SPTLC3: variants seen among roughly 807,000 people sequenced by gnomAD.
SPTLC3 encodes the protein serine palmitoyltransferase long chain base subunit 3.
In SPTLC3, 36 loss-of-function variants were observed where a neutral mutation model predicts 59.3. That is an observed-to-expected ratio of 0.61 (90% CI 0.47 to 0.80). The LOEUF (loss-of-function observed/expected upper bound fraction) is 0.80, where lower values mean the gene tolerates loss of function less well. SPTLC3 is among the 30% of genes least tolerant of loss of function. The pLI is 0.00. For missense variants in SPTLC3, 625 were observed against 685.1 expected, an observed-to-expected ratio of 0.91 and a Z score of 0.98; for synonymous variants, 257 against 240.8, an observed-to-expected ratio of 1.07 and a Z score of -0.62.
rs1229960021 is a variant in SPTLC3, at chr20:13,167,916, G to T, written c.*3049G>T. ...TTTGATAAACCAATTGACTCTAATA[G>T]CAGGAACCTTGTTCTGATTCTCTTG... On this transcript the variant is annotated 3_prime_UTR_variant, in exon 12 of 12. Coordinates refer to ENST00000399002, the MANE Select transcript of SPTLC3 (RefSeq NM_018327.4). The T allele has an allele frequency of 1.3e-5, 2 of 152,132 alleles. No individual in the cohort carries two copies. Among genetic ancestry groups the T allele is most frequent in the African/African-American group, 2.4e-5 (1 of 41,416 alleles). 9.4% of individuals were successfully genotyped at this position (152,132 alleles called of 1,614,324 possible). A position where few individuals can be genotyped will look rare whatever the true frequency, so the allele number is the denominator to read the frequency against.
chr20:13,088,598 T>C lies in SPTLC3; in HGVS notation c.608-2485T>C, dbSNP rs948854795. On this transcript the variant is annotated intron_variant, in intron 4 of 11. Transcript: ENST00000399002. ...TTGGCCTCCCAAAGTGCTGGGATTA[T>C]AGGCTTGAGCCATCGTGCCTGGCCT... Among the ~76,000 whole-genome samples the C allele has an allele frequency of 6.6e-5, 10 of 151,860 alleles. 1 individual carries two copies. In the East Asian group the frequency reaches 7.8e-4, roughly 12 times the overall value.
chr20:13,033,697 T>G (rs1009413606), intron 1 of SPTLC3, among the ~76,000 whole-genome samples: 1 of 152,212 alleles, frequency 6.6e-6, no homozygotes, highest in African/African-American at 2.4e-5. Flanking sequence ...ATGGAAGCTA[T>G]TATTTTTGCA....
At chr20:13,061,033 A>T (rs1324557326) in intron 2 of SPTLC3, among the ~76,000 whole-genome samples, 1 of 152,178 alleles carries the variant, frequency 6.6e-6, no homozygotes, top group Admixed American at 6.5e-5. Context: ...AAATCTCCAT[A>T]CTGTTTTCCA....
intron 8 of SPTLC3, 79 bp downstream of exon 8, chr20:13,117,804 T>A: frequency 7.4e-7 from 1 of 1,348,618 alleles, no homozygotes; most frequent in Non-Finnish European, 1.0e-6. Flanking sequence ...CTGAATTTCA[T>A]GAAAGCTTCA....
intron 9 of SPTLC3, among the ~76,000 whole-genome samples, chr20:13,136,618 T>TATATATATAA (rs1555798325): frequency 6.8e-6 from 1 of 146,178 alleles, no homozygotes; most frequent in African/African-American, 2.5e-5. Context: ...TATATATATA[T>TATATATATAA]AATATACATA....
At chr20:13,095,228 G>A (rs1989369812) in intron 6 of SPTLC3, among the ~76,000 whole-genome samples, 1 of 152,208 alleles carries the variant, frequency 6.6e-6, no homozygotes, top group African/African-American at 2.4e-5. Flanking sequence ...TAGCTAGGCA[G>A]TCATTCAACT....
At chr20:13,034,149 C>A (rs1164052524) in intron 1 of SPTLC3, among the ~76,000 whole-genome samples, 3 of 151,936 alleles carry the variant, frequency 2.0e-5, no homozygotes, top group Non-Finnish European at 1.5e-5. Context: ...CCAACAATTC[C>A]CAAAGAGTTT....
rs533700342 is a variant in SPTLC3 at position 13,165,826 on chromosome 20, C to G, written c.*959C>G. On this transcript the variant is annotated 3_prime_UTR_variant, in exon 12 of 12. Coordinates refer to ENST00000399002, the MANE Select transcript of SPTLC3 (RefSeq NM_018327.4). The stretch of plus-strand genomic sequence containing the variant: ...TTGATTCAAGAAGGACATTTAAAAG[C>G]AAATTCTGACTTTTTCAAGACCAAC... 5.9e-4 allele frequency: 90 copies of G among 152,252 alleles called. No individual in the cohort carries two copies. Among genetic ancestry groups the G allele is most frequent in the African/African-American group, 1.9e-3 (80 of 41,564 alleles). The allele number at this position is 152,252 out of a possible 1,614,324, so 9.4% of individuals were successfully genotyped here.
At chr20:13,084,301 G>C (rs934196431) in intron 4 of SPTLC3, among the ~76,000 whole-genome samples, 1 of 152,158 alleles carries the variant, frequency 6.6e-6, no homozygotes, top group Non-Finnish European at 1.5e-5. Flanking sequence ...TCAATAAATT[G>C]TCCTATGATG....
At chr20:13,059,017 C>G (rs1987840941) in intron 2 of SPTLC3, among the ~76,000 whole-genome samples, 1 of 152,160 alleles carries the variant, frequency 6.6e-6, no homozygotes, top group Non-Finnish European at 1.5e-5. Context: ...CAATGGGGCT[C>G]TGTTCAAGAG....
At chr20:13,058,480 T>C (rs1057301635) in intron 2 of SPTLC3, among the ~76,000 whole-genome samples, 4 of 152,180 alleles carry the variant, frequency 2.6e-5, no homozygotes, top group Non-Finnish European at 5.9e-5. Context: ...TGGCTACCCA[T>C]TGGAATCACT....
intron 2 of SPTLC3, among the ~76,000 whole-genome samples, chr20:13,052,223 C>A (rs1473409871): frequency 6.6e-6 from 1 of 152,110 alleles, no homozygotes; most frequent in Non-Finnish European, 1.5e-5. Flanking sequence ...CCACAGAGGG[C>A]AAGCCGAAGC....
chr20:13,139,508 C>T (rs1012914660), intron 9 of SPTLC3, among the ~76,000 whole-genome samples: 3 of 152,194 alleles, frequency 2.0e-5, no homozygotes, highest in African/African-American at 7.2e-5. Context: ...TGTACGGTTT[C>T]CAAAGTTGCT....
chr20:13,153,964 T>A, intron 9 of SPTLC3, 39 bp from the exon 10 acceptor site: 3 of 1,607,596 alleles, frequency 1.9e-6, no homozygotes, highest in Non-Finnish European at 2.6e-6. Flanking sequence ...TCCCTCTTTC[T>A]AGTGGGAATT....
intron 1 of SPTLC3, among the ~76,000 whole-genome samples, chr20:13,017,838 G>T (rs1436787466): frequency 6.6e-6 from 1 of 152,094 alleles, no homozygotes; most frequent in Non-Finnish European, 1.5e-5. Flanking sequence ...TGACTTACTT[G>T]ACCAAAAACG....
At chr20:13,102,747 C>T (rs1989648075) in intron 6 of SPTLC3, among the ~76,000 whole-genome samples, 2 of 152,172 alleles carry the variant, frequency 1.3e-5, no homozygotes, top group African/African-American at 4.8e-5. Context: ...TTAGAGATCC[C>T]ATCTCAGTAC....
chr20:13,162,256 G>A (rs2038909176), intron 11 of SPTLC3, among the ~76,000 whole-genome samples: 1 of 152,202 alleles, frequency 6.6e-6, no homozygotes, highest in Non-Finnish European at 1.5e-5. Flanking sequence ...GCATGGCCGG[G>A]AAGCAAGTTC....
intron 9 of SPTLC3, among the ~76,000 whole-genome samples, chr20:13,149,897 A>G (rs2038604848): frequency 6.6e-6 from 1 of 152,216 alleles, no homozygotes; most frequent in South Asian, 2.1e-4. Context: ...CGTTGGGAAA[A>G]GCAATTGAAG....
Position 13,064,284 on chromosome 20 carries a change from GTTTTGT to G in SPTLC3, c.304-7932_304-7927del, listed in dbSNP as rs561558915. Reference sequence around the variant, plus strand: ...CTTTTTCCTTTTCTTTTTTTTTTTTGTTTTGTTTTTGTTTTTGTTTTTGTTTTTGTT... The same window carrying G: ...CTTTTTCCTTTTCTTTTTTTTTTTTGTTTTGTTTTTGTTTTTGTTTTTGTT... On this transcript the variant is annotated intron_variant, in intron 2 of 11. Transcript: ENST00000399002. Among the ~76,000 whole-genome samples, 1,013 of 132,458 alleles carry G rather than the reference GTTTTGT, an allele frequency of 7.6e-3. 13 individuals carry two copies. The highest frequency in any genetic ancestry group is 0.038 in the South Asian group (154 of 4,004). 86.9% of individuals were successfully genotyped at this position (132,458 alleles called of 152,430 possible). A position where few individuals can be genotyped will look rare whatever the true frequency, so the allele number is the denominator to read the frequency against.
Sources: allele counts gnomAD v4.1 joint callset (sites outside exome capture counted in the v4.1 genomes callset), GRCh38; gene constraint gnomAD v4.1.1; transcripts MANE v1.5; gene names NCBI Gene and HGNC (gene_info 2026-07-23, HGNC 2026-07-21).